The following BDP1 variants were observed in gnomAD, a reference collection of about 807,000 sequenced individuals.
The protein encoded by BDP1 is transcription factor TFIIIB component B'' homolog.
BDP1 carries 169 observed loss-of-function variants against 266.6 expected under a neutral mutation model. The ratio of observed to expected loss-of-function variants is 0.63; its 90% CI spans 0.56 to 0.72. BDP1 has a LOEUF of 0.72. Ranked by LOEUF, BDP1 falls within the 30% of genes least tolerant of loss-of-function variation. The pLI is 0.00. For missense variants in BDP1, 3,015 were observed against 3,053.8 expected (o/e 0.99, Z 0.30); for synonymous variants, 1,090 against 1,022.4 (o/e 1.07, Z -1.26).
At position 71,541,050 on chromosome 5, in the gene BDP1, G is replaced by A. The variant is rs368152346; in HGVS notation, c.6023-404G>A. Among the ~76,000 whole-genome samples, 25 of 152,278 alleles carry A rather than the reference G, an allele frequency of 1.6e-4. No homozygotes were observed. The South Asian group carries it at 4.1e-3, about 25-fold the overall frequency. On this transcript the variant is annotated intron_variant, in intron 28 of 38. Coordinates refer to ENST00000358731, the MANE Select transcript of BDP1 (RefSeq NM_018429.3). The stretch of plus-strand genomic sequence containing the variant: ...GCTCCTTTCTTAGTGGCAGAGTATT[G>A]CAGTACAGCCTGTCAAAAACATATA...
At chr5:71,474,637 G>A (rs186738445) in intron 7 of BDP1, among the ~76,000 whole-genome samples, 204 of 151,966 alleles carry the variant, frequency 1.3e-3, no homozygotes, top group Non-Finnish European at 2.4e-3. Flanking sequence ...CACTTGAGGT[G>A]TGGAGTCCAA....
At chr5:71,474,846 GAA>G (rs35692248) in intron 7 of BDP1, among the ~76,000 whole-genome samples, 1 of 104,230 alleles carries the variant, frequency 9.6e-6, no homozygotes. Context: ...GACTCTGTCT[GAA>G]AAAAAAAAAA....
chr5:71,510,543 A>C lies in BDP1; in HGVS notation c.3451A>C (p.Arg1151=). 5.6e-6 allele frequency: 9 copies of C among 1,614,160 alleles called. No individual in the cohort carries two copies. The highest frequency in any genetic ancestry group is 7.6e-6 in the Non-Finnish European group (9 of 1,180,028). The change falls in exon 17 of 39, where the codon AGA becomes CGA. Residue 1151 remains arginine, a synonymous_variant. Coordinates refer to ENST00000358731, the MANE Select transcript of BDP1 (RefSeq NM_018429.3). The part of the protein sequence containing the change: ...IDKDLEETGR[R]EISPEENGPE... ...CAAAGATCTGGAAGAAACTGGAAGA[A>C]GAGAAATATCCCCAGAGGAAAATGG...
intron 14 of BDP1, among the ~76,000 whole-genome samples, chr5:71,502,053 T>G (rs900694282): frequency 1.3e-5 from 2 of 152,176 alleles, no homozygotes; most frequent in African/African-American, 4.8e-5. Flanking sequence ...GAGTTCTACA[T>G]TATTCTATAG....
Position 71,565,218 on chromosome 5 carries a change from T to C in BDP1, c.*333T>C, listed in dbSNP as rs1269194544. 5.3e-6 allele frequency: 1 copy of C among 187,794 alleles called. No individual in the cohort carries two copies. Among genetic ancestry groups the C allele is most frequent in the Non-Finnish European group, 1.1e-5 (1 of 91,662 alleles). 11.6% of individuals were successfully genotyped at this position (187,794 alleles called of 1,614,324 possible). ...TTGTGGATATATGTCTCTGTATGAA[T>C]TGCAGTGCAGACAGATTTGGGGGTT... is the stretch of plus-strand genomic sequence containing the variant. On this transcript the variant is annotated 3_prime_UTR_variant, in exon 39 of 39. Transcript: ENST00000358731.
intron 13 of BDP1, among the ~76,000 whole-genome samples, chr5:71,498,112 G>A (rs1320051064): frequency 3.3e-5 from 5 of 152,138 alleles, no homozygotes; most frequent in Non-Finnish European, 5.9e-5. Context: ...CACCATGCCC[G>A]GCTAATTTTT....
chr5:71,498,076 G>C (rs1347120407), intron 13 of BDP1, among the ~76,000 whole-genome samples: 1 of 151,144 alleles, frequency 6.6e-6, no homozygotes, highest in East Asian at 2.0e-4. Context: ...TCAGCCTCCT[G>C]AGTAGCTGGG....
In BDP1 at chr5:71,504,677, A is replaced by G. The variant is rs1764469528; in HGVS notation, c.2298A>G (p.Ile766Met). ...AAGATTTTGAAGAGGAAGATGTCAT[A>G]TTACAGCCTGAGAAAAATGATTCTT... ...SRKDFEEEDV[I>M]LQPEKNDSFQ... Residue 766 changes from isoleucine to methionine, a missense_variant, in exon 16 of 39, where the codon ATA becomes ATG. Ile to Met is a conservative substitution (Grantham distance 10). This residue lies in a region of BDP1 where 2,383 missense variants were observed against 2,404.9 expected (regional missense o/e 0.99). Coordinates refer to ENST00000358731, the MANE Select transcript of BDP1 (RefSeq NM_018429.3). 3 of 1,613,604 alleles carry G rather than the reference A, an allele frequency of 1.9e-6. No homozygotes were observed. Among genetic ancestry groups the G allele is most frequent in the Non-Finnish European group, 2.5e-6 (3 of 1,179,628 alleles).
At chr5:71,517,578 C>T (rs1398750102) in intron 22 of BDP1, 126 bp downstream of exon 22, 2 of 769,728 alleles carry the variant, frequency 2.6e-6, no homozygotes, top group African/African-American at 1.8e-5. Flanking sequence ...GTAATAAATA[C>T]TTGTGATACT....
At position 71,502,693 on chromosome 5, in the gene BDP1, G is replaced by A; in HGVS notation, c.2143G>A (p.Ala715Thr). The change falls in exon 15 of 39, where the codon GCA becomes ACA. Residue 715 changes from alanine (A) to threonine (T), a missense_variant. Transcript: ENST00000358731. The stretch of plus-strand genomic sequence containing the variant: ...CCGATTGCAAAAGCCAAAGCCAAAT[G>A]CAGGTAAAGCTGCTGAAAGAAAAGA... ...RGRLQKPKPNAGKAAERKEIL... is the reference protein window; with the variant it reads ...RGRLQKPKPNTGKAAERKEIL... The A allele has an allele frequency of 6.2e-7, 1 of 1,614,006 alleles. No homozygotes were observed.
chr5:71,577,161 T>C, the BDP1 span, among the ~76,000 whole-genome samples: 280 of 152,342 alleles, frequency 1.8e-3, no homozygotes, highest in Non-Finnish European at 3.3e-3. Context: ...ATCCCTGGGC[T>C]ATGGATTCCT....
intron 26 of BDP1, among the ~76,000 whole-genome samples, chr5:71,533,177 A>G (rs1210486755): frequency 6.6e-6 from 1 of 152,206 alleles, no homozygotes; most frequent in East Asian, 1.9e-4. Context: ...CCATTCATCC[A>G]TTCATGAACA....
chr5:71,513,127 C>G, intron 18 of BDP1, 58 bp from the exon 19 acceptor site: 1 of 1,134,326 alleles, frequency 8.8e-7, no homozygotes, highest in Non-Finnish European at 1.3e-6. Context: ...TGTACTGAGA[C>G]TCCGTTTCCA....
chr5:71,543,280 T>C (rs906278985), intron 30 of BDP1, among the ~76,000 whole-genome samples: 5 of 151,440 alleles, frequency 3.3e-5, no homozygotes, highest in African/African-American at 1.2e-4. Flanking sequence ...AGACTTCATC[T>C]CAAAAAAAGA....
At chr5:71,551,621 T>C (rs1742766278) in intron 34 of BDP1, among the ~76,000 whole-genome samples, 2 of 152,226 alleles carry the variant, frequency 1.3e-5, no homozygotes, top group South Asian at 2.1e-4. Context: ...AATGAGCCGC[T>C]GGGCACACCT....
In BDP1 at chr5:71,567,326, A is replaced by G. The variant is rs935678902; in HGVS notation, c.*2441A>G. ...TGGAAAATGGAATTTCTTACTATAT[A>G]AAGAATACAGAGACTCATTGTATTA... On this transcript the variant is annotated 3_prime_UTR_variant, in exon 39 of 39. Transcript: ENST00000358731. 1 of 152,212 alleles carries G rather than the reference A, an allele frequency of 6.6e-6. No individual in the cohort carries two copies. The highest frequency in any genetic ancestry group is 1.5e-5 in the Non-Finnish European group (1 of 68,040). 9.4% of individuals were successfully genotyped at this position (152,212 alleles called of 1,614,324 possible).
Position 71,532,392 on chromosome 5 carries a change from G to T in BDP1, c.5857G>T (p.Glu1953Ter). ...ELPNTDVTTE[E>*]MKQEENLSVP... ...ACCAAACACAGATGTGACTACTGAA[G>T]AAATGAAACAAGAAGAAAATTTGAG... The change falls in exon 26 of 39, where the codon GAA becomes TAA. Residue 1953 changes from glutamate to a stop codon, truncating the protein, a stop_gained. Coordinates refer to ENST00000358731, the MANE Select transcript of BDP1 (RefSeq NM_018429.3). LOFTEE classifies it high-confidence loss of function. 5 of 1,613,588 alleles carry T rather than the reference G, an allele frequency of 3.1e-6. No individual in the cohort carries two copies. Among genetic ancestry groups the T allele is most frequent in the Non-Finnish European group, 4.2e-6 (5 of 1,179,708 alleles).
chr5:71,551,097 GTTTATTTA>G (rs151155386), intron 34 of BDP1, among the ~76,000 whole-genome samples: 7,682 of 149,614 alleles, frequency 0.051, 215 homozygotes, highest in South Asian at 0.079. Context: ...TTTTTTAGTT[GTTTATTTA>G]TTTATTTATT....
At chr5:71,534,071 T>C (rs1451249660) in intron 26 of BDP1, among the ~76,000 whole-genome samples, 1 of 152,220 alleles carries the variant, frequency 6.6e-6, no homozygotes, top group Non-Finnish European at 1.5e-5. Flanking sequence ...TTGATTTCCT[T>C]TAAAGCAAAA....
Sources: gnomAD v4.1 joint callset for allele counts (sites outside exome capture counted in the v4.1 genomes callset) on GRCh38, gnomAD v4.1.1 for gene constraint, gnomAD v4.1.1 regional missense constraint, MANE v1.5 for transcripts, NCBI Gene and HGNC (gene_info 2026-07-23, HGNC 2026-07-21) for gene names.